L3MBTL4: variants seen among roughly 807,000 people sequenced by gnomAD.
L3MBTL4 encodes lethal(3)malignant brain tumor-like protein 4.
In L3MBTL4, 70 loss-of-function variants were observed where a neutral mutation model predicts 84.5. That is an observed-to-expected ratio of 0.83 (90% confidence interval 0.68 to 1.01). The LOEUF (loss-of-function observed/expected upper bound fraction) is 1.01, where lower values mean the gene tolerates loss of function less well. Among genes scored for constraint, L3MBTL4 ranks in the 50% least tolerant of loss-of-function variants. The probability of loss-of-function intolerance (pLI) is 0.00; values close to 1 mark genes in which losing one functional copy is unlikely to be tolerated. For synonymous variants in L3MBTL4, 274 were observed against 259.8 expected (o/e 1.05, Z -0.52); for missense variants, 715 against 754.8 (o/e 0.95, Z 0.62).
chr18:6,402,989 G>C (rs1278516082), intron 1 of L3MBTL4, among the ~76,000 whole-genome samples: 1 of 152,162 alleles, frequency 6.6e-6, no homozygotes, highest in Non-Finnish European at 1.5e-5. Context: ...GGAAAGAAGG[G>C]GGAAGTAGGT....
intron 4 of L3MBTL4, among the ~76,000 whole-genome samples, chr18:6,265,089 T>C (rs2048573432): frequency 1.3e-5 from 2 of 152,348 alleles, no homozygotes; most frequent in South Asian, 4.1e-4. Flanking sequence ...AGGAAACAAA[T>C]TGATCATTTT....
At chr18:6,397,090 C>T (rs541969608) in intron 1 of L3MBTL4, 1 of 152,292 alleles carries the variant, frequency 6.6e-6, no homozygotes, top group African/African-American at 2.4e-5. Context: ...TGCAGATGAA[C>T]TGAGACACCA....
chr18:6,072,135 C>T (rs1367604486), intron 16 of L3MBTL4, among the ~76,000 whole-genome samples: 1 of 152,142 alleles, frequency 6.6e-6, no homozygotes, highest in Non-Finnish European at 1.5e-5. Context: ...TTCTAATTTT[C>T]ATGAGCCTAG....
At chr18:6,368,155 C>T (rs751761317) in intron 1 of L3MBTL4, among the ~76,000 whole-genome samples, 1 of 152,104 alleles carries the variant, frequency 6.6e-6, no homozygotes, top group Non-Finnish European at 1.5e-5. Flanking sequence ...GCGCCATCTT[C>T]CCTTCACCCT....
intron 14 of L3MBTL4, among the ~76,000 whole-genome samples, chr18:6,108,878 G>A (rs1568133672): frequency 1.3e-5 from 2 of 152,176 alleles, no homozygotes; most frequent in South Asian, 4.1e-4. Flanking sequence ...GTATTACAAG[G>A]AATCTAGAGA....
intron 15 of L3MBTL4, chr18:6,081,189 C>T (rs975918680): frequency 5.7e-6 from 2 of 351,022 alleles, no homozygotes; most frequent in Non-Finnish European, 1.0e-5. Flanking sequence ...CATTCTATTA[C>T]AGTAAAAAGT....
chr18:6,372,450 T>C (rs540623190), intron 1 of L3MBTL4, among the ~76,000 whole-genome samples: 2 of 152,330 alleles, frequency 1.3e-5, no homozygotes, highest in Admixed American at 6.5e-5. Context: ...CAGTGTCTTA[T>C]TAGTTTGAAA....
chr18:6,216,362 T>A (rs936030858), intron 10 of L3MBTL4, among the ~76,000 whole-genome samples: 4 of 152,212 alleles, frequency 2.6e-5, no homozygotes, highest in African/African-American at 9.6e-5. Context: ...AAGAACTCTA[T>A]TTCAAATTTC....
At chr18:6,070,122 G>T (rs928357187) in intron 16 of L3MBTL4, among the ~76,000 whole-genome samples, 1 of 151,814 alleles carries the variant, frequency 6.6e-6, no homozygotes, top group Non-Finnish European at 1.5e-5. Context: ...AAATGAGAGA[G>T]AATGGAGCAT....
intron 12 of L3MBTL4, among the ~76,000 whole-genome samples, chr18:6,212,086 G>A (rs1002187284): frequency 1.3e-5 from 2 of 152,152 alleles, no homozygotes; most frequent in African/African-American, 4.8e-5. Flanking sequence ...AAAGCAATAT[G>A]TTTAAAATTA....
At chr18:6,317,042 G>A (rs1188618047) in intron 1 of L3MBTL4, among the ~76,000 whole-genome samples, 1 of 151,382 alleles carries the variant, frequency 6.6e-6, no homozygotes, top group Non-Finnish European at 1.5e-5. Flanking sequence ...ACACTGTGGG[G>A]AAACAAGATA....
intron 14 of L3MBTL4, among the ~76,000 whole-genome samples, chr18:6,137,130 G>T (rs78998552): frequency 6.6e-6 from 1 of 152,154 alleles, no homozygotes; most frequent in Non-Finnish European, 1.5e-5. Flanking sequence ...TTGAGTTACT[G>T]CAGACTCCTT....
chr18:6,195,268 T>A (rs1253291194), intron 12 of L3MBTL4, among the ~76,000 whole-genome samples: 2 of 152,162 alleles, frequency 1.3e-5, no homozygotes, highest in Non-Finnish European at 2.9e-5. Flanking sequence ...ATGAGCCATG[T>A]TCTGGAGGAG....
intron 18 of L3MBTL4, among the ~76,000 whole-genome samples, chr18:5,958,157 GA>G (rs2095243567): frequency 1.5e-5 from 1 of 66,202 alleles, no homozygotes; most frequent in African/African-American, 5.8e-5. Context: ...AGAAGAAGAA[GA>G]ACAAGAAGAA....
intron 6 of L3MBTL4, 41 bp downstream of exon 6, chr18:6,244,443 T>C (rs2047573288): frequency 8.1e-7 from 1 of 1,229,644 alleles, no homozygotes; most frequent in East Asian, 2.4e-5. Context: ...TATCTTTCTG[T>C]CACTAGGCAA....
intron 3 of L3MBTL4, among the ~76,000 whole-genome samples, chr18:6,304,029 A>T (rs564314865): frequency 2.8e-5 from 4 of 142,852 alleles, no homozygotes; most frequent in Admixed American, 7.0e-5. Flanking sequence ...AAAAAAAAAA[A>T]CAAAAAAAAA....
chr18:6,261,897 T>C (rs1337745111), intron 5 of L3MBTL4, among the ~76,000 whole-genome samples: 2 of 152,126 alleles, frequency 1.3e-5, no homozygotes, highest in African/African-American at 4.8e-5. Context: ...CAGCCAAAAC[T>C]TTCCTTGCTC....
chr18:6,176,690 A>G (rs1331865343), intron 12 of L3MBTL4, among the ~76,000 whole-genome samples: 1 of 152,206 alleles, frequency 6.6e-6, no homozygotes, highest in East Asian at 1.9e-4. Context: ...ATATAATAAT[A>G]AATTAATAAA....
chr18:6,365,286 CAGAG>C (rs2053886841), intron 1 of L3MBTL4, among the ~76,000 whole-genome samples: 1 of 151,926 alleles, frequency 6.6e-6, no homozygotes, highest in South Asian at 2.1e-4. Flanking sequence ...GGAAGAGAAA[CAGAG>C]AGGAAAAGAT....
Sources: gnomAD v4.1 joint callset for allele counts (sites outside exome capture counted in the v4.1 genomes callset) on GRCh38, gnomAD v4.1.1 for gene constraint, MANE v1.5 for transcripts, NCBI Gene and HGNC (gene_info 2026-07-23, HGNC 2026-07-21) for gene names.